PABPC4L: variants seen among roughly 807,000 people sequenced by gnomAD.
PABPC4L encodes the protein polyadenylate-binding protein 4-like.
For synonymous variants in PABPC4L, 169 were observed against 164.1 expected, an observed-to-expected ratio of 1.03 and a Z score of -0.23; for missense variants, 452 against 451.4, an observed-to-expected ratio of 1.00 and a Z score of -0.01.
the PABPC4L span, among the ~76,000 whole-genome samples, chr4:134,006,972 T>C: frequency 6.6e-6 from 1 of 151,874 alleles, no homozygotes; most frequent in African/African-American, 2.4e-5. Context: ...TAACAGTAAC[T>C]ATTACTACAT....
the PABPC4L span, among the ~76,000 whole-genome samples, chr4:134,041,651 C>T: frequency 6.6e-6 from 1 of 151,952 alleles, no homozygotes; most frequent in Admixed American, 6.6e-5. Flanking sequence ...CACCGTGGCA[C>T]GTGTATACCT....
the PABPC4L span, among the ~76,000 whole-genome samples, chr4:133,970,750 C>T: frequency 2.6e-5 from 4 of 152,048 alleles, no homozygotes; most frequent in Admixed American, 1.3e-4. Context: ...GAGCACAGCT[C>T]TTCTGATGAG....
the PABPC4L span, among the ~76,000 whole-genome samples, chr4:134,010,333 T>C: frequency 6.6e-6 from 1 of 152,112 alleles, no homozygotes; most frequent in Non-Finnish European, 1.5e-5. Flanking sequence ...ATACAGATTT[T>C]CCTATCAGTG....
the PABPC4L span, among the ~76,000 whole-genome samples, chr4:134,047,623 C>T: frequency 7.9e-5 from 12 of 152,058 alleles, no homozygotes; most frequent in Non-Finnish European, 1.8e-4. Flanking sequence ...AAAAATGTTG[C>T]TTTTACTTCA....
At chr4:133,950,575 TATC>T in the PABPC4L span, among the ~76,000 whole-genome samples, 6 of 152,208 alleles carry the variant, frequency 3.9e-5, no homozygotes, top group African/African-American at 1.4e-4. Context: ...TGGGTTTACT[TATC>T]ATTTTTCTCC....
At chr4:134,180,944 G>A in the PABPC4L span, among the ~76,000 whole-genome samples, 8 of 151,692 alleles carry the variant, frequency 5.3e-5, no homozygotes, top group South Asian at 6.2e-4. Context: ...CCACTTCTAC[G>A]AGATAAATAA....
At chr4:134,073,034 C>T in the PABPC4L span, among the ~76,000 whole-genome samples, 2 of 152,160 alleles carry the variant, frequency 1.3e-5, no homozygotes, top group African/African-American at 4.8e-5. Context: ...CCACCCTGGC[C>T]CCTCCCAAAT....
At chr4:133,952,945 A>G in the PABPC4L span, among the ~76,000 whole-genome samples, 4 of 152,094 alleles carry the variant, frequency 2.6e-5, no homozygotes, top group African/African-American at 9.7e-5. Context: ...TTTTCCCTAG[A>G]ATGTTCTGTG....
At chr4:134,045,182 A>G in the PABPC4L span, among the ~76,000 whole-genome samples, 8 of 152,256 alleles carry the variant, frequency 5.3e-5, no homozygotes, top group South Asian at 1.0e-3. Flanking sequence ...CAGCTCTAAA[A>G]CTGATAGATT....
At chr4:133,950,798 G>A in the PABPC4L span, among the ~76,000 whole-genome samples, 1 of 152,070 alleles carries the variant, frequency 6.6e-6, no homozygotes, top group Non-Finnish European at 1.5e-5. Flanking sequence ...TTCCCTTTTT[G>A]ATGGCCATTT....
chr4:134,094,313 G>A, the PABPC4L span, among the ~76,000 whole-genome samples: 2 of 151,762 alleles, frequency 1.3e-5, no homozygotes, highest in Non-Finnish European at 2.9e-5. Flanking sequence ...CAGCAATAGA[G>A]GATTTGTTAT....
At chr4:133,984,856 A>G in the PABPC4L span, among the ~76,000 whole-genome samples, 1 of 151,848 alleles carries the variant, frequency 6.6e-6, no homozygotes, top group South Asian at 2.1e-4. Context: ...GAGCACTCAT[A>G]GAGAAAAAAA....
chr4:133,948,623 C>T, the PABPC4L span, among the ~76,000 whole-genome samples: 3 of 152,160 alleles, frequency 2.0e-5, no homozygotes, highest in Non-Finnish European at 4.4e-5. Flanking sequence ...CAATGATAGA[C>T]TTTTGCAAGT....
At chr4:134,117,078 G>A in the PABPC4L span, among the ~76,000 whole-genome samples, 11 of 145,472 alleles carry the variant, frequency 7.6e-5, no homozygotes, top group South Asian at 1.1e-3. Flanking sequence ...TATTCTTTTC[G>A]TTCAGCAATA....
chr4:134,030,122 C>T, the PABPC4L span, among the ~76,000 whole-genome samples: 1 of 152,014 alleles, frequency 6.6e-6, no homozygotes, highest in African/African-American at 2.4e-5. Flanking sequence ...ATAAATTCCC[C>T]AGTCTTGGAT....
the PABPC4L span, among the ~76,000 whole-genome samples, chr4:134,011,063 C>T: frequency 6.6e-6 from 1 of 151,820 alleles, no homozygotes; most frequent in African/African-American, 2.4e-5. Context: ...TAATACATTC[C>T]TCTGAATAAT....
At chr4:134,142,536 A>G in the PABPC4L span, among the ~76,000 whole-genome samples, 1 of 151,674 alleles carries the variant, frequency 6.6e-6, no homozygotes, top group Non-Finnish European at 1.5e-5. Context: ...GTCTTGTAGT[A>G]TTTATAAGGA....
chr4:134,087,775 A>T, the PABPC4L span, among the ~76,000 whole-genome samples: 1 of 152,062 alleles, frequency 6.6e-6, no homozygotes, highest in East Asian at 1.9e-4. Context: ...GCACTTTCTC[A>T]TTCCTATTTA....
chr4:133,959,331 C>T, the PABPC4L span, among the ~76,000 whole-genome samples: 11 of 152,266 alleles, frequency 7.2e-5, no homozygotes, highest in African/African-American at 2.6e-4. Flanking sequence ...AATGACAGAA[C>T]ACTATGAGGT....
Sources: gnomAD v4.1 joint callset for allele counts (sites outside exome capture counted in the v4.1 genomes callset) on GRCh38, gnomAD v4.1.1 for gene constraint, MANE v1.5 for transcripts, NCBI Gene and HGNC (gene_info 2026-07-23, HGNC 2026-07-21) for gene names.